Variants in NSD3 observed in about 807,000 individuals in gnomAD.
NSD3 encodes histone-lysine N-methyltransferase NSD3.
NSD3 carries 24 observed loss-of-function variants against 160.8 expected under a neutral mutation model. That is an observed-to-expected ratio of 0.15 (90% CI 0.11 to 0.21). The LOEUF (loss-of-function observed/expected upper bound fraction) is 0.21, where lower values mean the gene tolerates loss of function less well. Ranked by LOEUF, NSD3 falls within the 10% of genes least tolerant of loss-of-function variation. The pLI, the probability that NSD3 is intolerant of heterozygous loss-of-function variation, is 1.00. For synonymous variants in NSD3, 520 were observed against 600.0 expected, an observed-to-expected ratio of 0.87 and a Z score of 1.95; for missense variants, 1,157 against 1,735.9, an observed-to-expected ratio of 0.67 and a Z score of 5.93.
At chr8:38,294,963 G>A (rs1809097775) in intron 16 of NSD3, among the ~76,000 whole-genome samples, 1 of 151,318 alleles carries the variant, frequency 6.6e-6, no homozygotes, top group Non-Finnish European at 1.5e-5. Flanking sequence ...CTAACACAGT[G>A]AAACCCCATC....
rs931794854 is a variant in NSD3 at position 38,317,611 on chromosome 8, G to A, written c.1855+1284C>T. ...GATTGTAATGTATACAGTTTGGGCT[G>A]TTTGGCAAACCCCTGCAGATGTGCA... is the stretch of plus-strand genomic sequence containing the variant. On this transcript the variant is annotated intron_variant, in intron 9 of 23. Transcript: ENST00000317025. This position sits in a 1 kb window ranked among gnomAD's most constrained non-coding sequence, Gnocchi z 5.3. 41 of 1,129,010 alleles carry A rather than the reference G, an allele frequency of 3.6e-5. No individual in the cohort carries two copies. Among genetic ancestry groups the A allele is most frequent in the Non-Finnish European group, 3.7e-5 (34 of 918,450 alleles). The allele number at this position is 1,129,010 out of a possible 1,614,324, so 69.9% of individuals were successfully genotyped here. A position where few individuals can be genotyped will look rare whatever the true frequency, so the allele number is the denominator to read the frequency against.
intron 12 of NSD3, among the ~76,000 whole-genome samples, chr8:38,310,657 G>A (rs974299328): frequency 2.0e-5 from 3 of 151,192 alleles, no homozygotes; most frequent in Non-Finnish European, 4.4e-5. Context: ...ATGGGCACAC[G>A]CCACCATGCC....
Position 38,269,946 on chromosome 8 carries a change from ATAAC to A in NSD3, c.*5691_*5694del, listed in dbSNP as rs1444322298. ...TATTACAGGCAACCCTAAATACACTATAACTAGTCAACAATAAGCTATCTATATA... is the reference window on the plus strand; with the variant it reads ...TATTACAGGCAACCCTAAATACACTATAGTCAACAATAAGCTATCTATATA... On this transcript the variant is annotated 3_prime_UTR_variant, in exon 24 of 24. Transcript: ENST00000317025. 2.6e-5 allele frequency: 4 copies of A among 152,246 alleles called. No homozygotes were observed. Among genetic ancestry groups the A allele is most frequent in the African/African-American group, 9.6e-5 (4 of 41,472 alleles). The allele number at this position is 152,246 out of a possible 1,614,324, so 9.4% of individuals were successfully genotyped here. A position where few individuals can be genotyped will look rare whatever the true frequency, so the allele number is the denominator to read the frequency against.
intron 2 of NSD3, among the ~76,000 whole-genome samples, chr8:38,345,226 A>G (rs1810484923): frequency 6.8e-6 from 1 of 146,044 alleles, no homozygotes; most frequent in Non-Finnish European, 1.5e-5. Flanking sequence ...AGGGAGAGAG[A>G]GAGAGGAGAG....
At chr8:38,333,280 C>T (rs532224833) in intron 4 of NSD3, among the ~76,000 whole-genome samples, 5 of 152,280 alleles carry the variant, frequency 3.3e-5, no homozygotes, top group African/African-American at 9.6e-5. Flanking sequence ...AAATCATTTA[C>T]TAGAGAGGAA....
rs1165441959 is a variant in NSD3 at position 38,292,611 on chromosome 8, T to C, written c.2916-1934A>G. On this transcript the variant is annotated intron_variant, in intron 16 of 23. Coordinates refer to ENST00000317025, the MANE Select transcript of NSD3 (RefSeq NM_023034.2). ...TCCTGGCCAACATGGTGAAACCCCA[T>C]CTCTACTAAAAAAAAAAAATACAAA... Among the ~76,000 whole-genome samples, 3 of 151,374 alleles carry C rather than the reference T, an allele frequency of 2.0e-5. No homozygotes were observed. In the South Asian group the frequency reaches 6.2e-4, roughly 31 times the overall value.
intron 14 of NSD3, 175 bp from the exon 15 acceptor site, chr8:38,299,765 G>A (rs1585867077): frequency 1.9e-6 from 1 of 538,244 alleles, no homozygotes; most frequent in Non-Finnish European, 2.9e-6. Flanking sequence ...GTTTTCAAAG[G>A]GAGTCTGAAC....
chr8:38,312,047 GT>G lies in NSD3; in HGVS notation c.2242+2599del, dbSNP rs140757871. On this transcript the variant is annotated intron_variant, in intron 12 of 23. Transcript: ENST00000317025. Reference sequence around the variant, plus strand: ...TCCAGCATCATTTGTTGGAAAGACTGTCTTTTTTTCCACTGACTAGTCTTCA... The same window carrying G: ...TCCAGCATCATTTGTTGGAAAGACTGCTTTTTTTCCACTGACTAGTCTTCA... Among the ~76,000 whole-genome samples the G allele has an allele frequency of 1.3e-3, 194 of 152,268 alleles. 3 individuals carry two copies. In the East Asian group the frequency reaches 0.033, roughly 26 times the overall value.
At position 38,318,093 on chromosome 8, in the gene NSD3, C is replaced by G; in HGVS notation, c.1855+802G>C. On this transcript the variant is annotated intron_variant, in intron 9 of 23. Coordinates refer to ENST00000317025, the MANE Select transcript of NSD3 (RefSeq NM_023034.2). This position sits in a 1 kb window ranked among gnomAD's most constrained non-coding sequence, Gnocchi z 5.3. Reference sequence around the variant, plus strand: ...AGGCCTCCTAATCTCGCAGCGATCGCGATGTCTTTTCTTGGAGCTCCGCCA... The same window carrying G: ...AGGCCTCCTAATCTCGCAGCGATCGGGATGTCTTTTCTTGGAGCTCCGCCA... 3 of 1,603,680 alleles carry G rather than the reference C, an allele frequency of 1.9e-6. No homozygotes were observed. In the South Asian group the frequency reaches 3.3e-5, roughly 18 times the overall value.
At chr8:38,278,282 G>A (rs753199173) in intron 22 of NSD3, 24 bp downstream of exon 22, 1 of 1,607,758 alleles carries the variant, frequency 6.2e-7, no homozygotes, top group Admixed American at 1.7e-5. Flanking sequence ...CTGTTGACTG[G>A]GGGCGCTCCC....
At chr8:38,281,986 CTTCTT>C (rs894708053) in intron 19 of NSD3, among the ~76,000 whole-genome samples, 13 of 152,120 alleles carry the variant, frequency 8.5e-5, no homozygotes, top group African/African-American at 3.1e-4. Context: ...TGTTTTTAAG[CTTCTT>C]TTCAAGTAAT....
At chr8:38,345,777 G>T (rs1810506735) in intron 2 of NSD3, among the ~76,000 whole-genome samples, 1 of 151,796 alleles carries the variant, frequency 6.6e-6, no homozygotes, top group African/African-American at 2.4e-5. Flanking sequence ...AGGCGTGGTG[G>T]TATGCCTGTA....
intron 1 of NSD3, among the ~76,000 whole-genome samples, chr8:38,348,951 G>A (rs1448880706): frequency 1.3e-5 from 2 of 152,086 alleles, no homozygotes; most frequent in African/African-American, 4.8e-5. Context: ...CAGCCACCAC[G>A]ACTGGCCTGC....
rs542364099 is a variant in NSD3, at chr8:38,320,241, T to C, written c.1809+831A>G. On this transcript the variant is annotated intron_variant, in intron 8 of 23. Coordinates refer to ENST00000317025, the MANE Select transcript of NSD3 (RefSeq NM_023034.2). ...AAAATCATGAAGGAAATATTTTAAA[T>C]AGAAAAGCTCACATTCTTCCATATA... The C allele has an allele frequency of 4.6e-5, 7 of 152,286 alleles. No homozygotes were observed. In the South Asian group the frequency reaches 1.2e-3, roughly 27 times the overall value. 9.4% of individuals were successfully genotyped at this position (152,286 alleles called of 1,614,324 possible).
intron 1 of NSD3, among the ~76,000 whole-genome samples, chr8:38,376,567 C>G (rs938870170): frequency 6.6e-5 from 10 of 151,974 alleles, no homozygotes; most frequent in African/African-American, 1.9e-4. Context: ...TCAAGAGTAG[C>G]TGGGATTACA....
chr8:38,379,503 G>A (rs1490848018), intron 1 of NSD3, among the ~76,000 whole-genome samples: 1 of 151,468 alleles, frequency 6.6e-6, no homozygotes, highest in Non-Finnish European at 1.5e-5. Context: ...TTTTTTTAAT[G>A]CAACTGTTCC....
At chr8:38,332,284 A>G (rs779580190) in intron 4 of NSD3, among the ~76,000 whole-genome samples, 1 of 151,286 alleles carries the variant, frequency 6.6e-6, no homozygotes, top group Non-Finnish European at 1.5e-5. Context: ...AATATTTTGA[A>G]ATTTTCTCAG....
In NSD3 at chr8:38,274,924, C is replaced by T. The variant is rs1046146790; in HGVS notation, c.*717G>A. 5.2e-6 allele frequency: 1 copy of T among 193,868 alleles called. No homozygotes were observed. Among genetic ancestry groups the T allele is most frequent in the African/African-American group, 2.3e-5 (1 of 43,180 alleles). The allele number at this position is 193,868 out of a possible 1,614,324, so 12.0% of individuals were successfully genotyped here. A position where few individuals can be genotyped will look rare whatever the true frequency, so the allele number is the denominator to read the frequency against. On this transcript the variant is annotated 3_prime_UTR_variant, in exon 24 of 24. Transcript: ENST00000317025. ...GTGAGCACATCCATTCCTTTTTTTC[C>T]TTCCACCAAGGAAACACACCATATA...
At chr8:38,350,129 A>G (rs1810649642) in intron 1 of NSD3, among the ~76,000 whole-genome samples, 1 of 152,166 alleles carries the variant, frequency 6.6e-6, no homozygotes, top group Admixed American at 6.5e-5. Context: ...TATTGTGAGT[A>G]CTGCCGCGAT....
Sources: gnomAD v4.1 joint callset for allele counts (sites outside exome capture counted in the v4.1 genomes callset) on GRCh38, gnomAD v4.1.1 for gene constraint, Gnocchi (gnomAD v3.1) non-coding constraint, MANE v1.5 for transcripts, NCBI Gene and HGNC (gene_info 2026-07-23, HGNC 2026-07-21) for gene names.